STOX1: variants seen among roughly 807,000 people sequenced by gnomAD.
STOX1 encodes storkhead-box protein 1.
In STOX1, 57 loss-of-function variants were observed where a neutral mutation model predicts 74.8. The ratio of observed to expected loss-of-function variants is 0.76; its 90% CI spans 0.62 to 0.95. STOX1 has a LOEUF of 0.95. STOX1 is among the 40% of genes least tolerant of loss of function. The pLI is 0.00. For synonymous variants in STOX1, 375 were observed against 401.3 expected, an observed-to-expected ratio of 0.93 and a Z score of 0.78; for missense variants, 1,010 against 1,117.0, an observed-to-expected ratio of 0.90 and a Z score of 1.37.
rs150080000 is a variant in STOX1 at position 68,891,132 on chromosome 10, C to A, written c.2823-1457C>A. On this transcript the variant is annotated intron_variant, in intron 3 of 3. Transcript: ENST00000298596. ...TGCAAAATTTTGAGAAATTTAATTTCTTAAGGATTGCTTATTTTTAAGCAA... is the reference window on the plus strand; with the variant it reads ...TGCAAAATTTTGAGAAATTTAATTTATTAAGGATTGCTTATTTTTAAGCAA... 1.3e-3 allele frequency among the ~76,000 whole-genome samples: 201 copies of A among 152,206 alleles called. 2 individuals are homozygous for A. The highest frequency in any genetic ancestry group is 4.6e-3 in the African/African-American group (192 of 41,540).
rs371713085 is a variant in STOX1 at position 68,886,244 on chromosome 10, C to T, written c.2448C>T (p.Asn816=). 6.2e-7 allele frequency: 1 copy of T among 1,614,210 alleles called. No individual in the cohort carries two copies. Among genetic ancestry groups the T allele is most frequent in the Admixed American group, 1.7e-5 (1 of 60,032 alleles). The stretch of plus-strand genomic sequence containing the variant: ...CCCCAGGTGAAAGCCAAGAACCTAA[C>T]CTCTCTGCTGAAAGTTGTGGCCTAA... ...HATPGESQEP[N]LSAESCGLNS... Residue 816 remains asparagine (N), a synonymous_variant, in exon 3 of 4, where the codon AAC becomes AAT. Coordinates refer to ENST00000298596, the MANE Select transcript of STOX1 (RefSeq NM_152709.5).
At chr10:68,857,505 T>A (rs1840156561) in intron 1 of STOX1, among the ~76,000 whole-genome samples, 1 of 152,102 alleles carries the variant, frequency 6.6e-6, no homozygotes, top group African/African-American at 2.4e-5. Flanking sequence ...TCATTTTCCC[T>A]TCAGATGTAA....
chr10:68,879,926 G>T (rs1840769405), intron 1 of STOX1, among the ~76,000 whole-genome samples: 1 of 152,084 alleles, frequency 6.6e-6, no homozygotes, highest in Non-Finnish European at 1.5e-5. Context: ...AACTTTCCTG[G>T]CTATAGGCTT....
Position 68,884,436 on chromosome 10 carries a change from A to G in STOX1, c.640A>G (p.Met214Val). 6.2e-7 allele frequency: 1 copy of G among 1,614,028 alleles called. No homozygotes were observed. Among genetic ancestry groups the G allele is most frequent in the South Asian group, 1.1e-5 (1 of 91,088 alleles). Residue 214 changes from methionine to valine, a missense_variant, in exon 3 of 4, where the codon ATG (methionine) becomes GTG (valine). Met to Val is a conservative substitution (Grantham distance 21). Transcript: ENST00000298596. Reference sequence around the variant, plus strand: ...GCTGCCATCAGATGAAAGTCGCCTGATGCCAGCTTCCATGACATATCTGGT... The same window carrying G: ...GCTGCCATCAGATGAAAGTCGCCTGGTGCCAGCTTCCATGACATATCTGGT... The part of the protein sequence containing the change: ...RMLPSDESRL[M>V]PASMTYLVSM...
At chr10:68,837,512 ATTATAT>A (rs1027813145) in intron 1 of STOX1, among the ~76,000 whole-genome samples, 1 of 152,198 alleles carries the variant, frequency 6.6e-6, no homozygotes, top group African/African-American at 2.4e-5. Flanking sequence ...CATGTATGTG[ATTATAT>A]TTATAATCCT....
intron 1 of STOX1, among the ~76,000 whole-genome samples, chr10:68,838,192 C>G (rs1239612837): frequency 6.6e-6 from 1 of 151,756 alleles, no homozygotes; most frequent in Non-Finnish European, 1.5e-5. Context: ...TCAGCCTCTC[C>G]AGTAGCTGGG....
At chr10:68,853,039 C>G (rs533833102) in intron 1 of STOX1, among the ~76,000 whole-genome samples, 25 of 152,054 alleles carry the variant, frequency 1.6e-4, no homozygotes, top group Admixed American at 1.2e-3. Flanking sequence ...TCTCCTGCCT[C>G]AGCCTCCCGA....
intron 1 of STOX1, among the ~76,000 whole-genome samples, chr10:68,833,593 G>A (rs983888999): frequency 6.6e-6 from 1 of 152,074 alleles, no homozygotes; most frequent in Non-Finnish European, 1.5e-5. Context: ...TGGTCAGAGT[G>A]AAACAGAACA....
chr10:68,830,097 G>A (rs1839366975), intron 1 of STOX1, among the ~76,000 whole-genome samples: 1 of 152,078 alleles, frequency 6.6e-6, no homozygotes, highest in Non-Finnish European at 1.5e-5. Flanking sequence ...AGTGAGCAGT[G>A]GTAAATGCTG....
Position 68,827,556 on chromosome 10 carries a change from CGAG to C in STOX1, c.-67_-65del. On this transcript the variant is annotated 5_prime_UTR_variant, in exon 1 of 4. Transcript: ENST00000298596. ...GCAGTCGGCCGATCCTCCCGCCGAG[CGAG>C]CGGCGTCGTAGCCGCCGCGCTCGCC... 9.8e-7 allele frequency: 1 copy of C among 1,023,304 alleles called. No homozygotes were observed. The highest frequency in any genetic ancestry group is 1.2e-6 in the Non-Finnish European group (1 of 836,072). The allele number at this position is 1,023,304 out of a possible 1,614,324, so 63.4% of individuals were successfully genotyped here. A position where few individuals can be genotyped will look rare whatever the true frequency, so the allele number is the denominator to read the frequency against.
chr10:68,869,218 A>C (rs1840478726), intron 1 of STOX1, among the ~76,000 whole-genome samples: 1 of 152,230 alleles, frequency 6.6e-6, no homozygotes, highest in African/African-American at 2.4e-5. Context: ...GTCTTAACCA[A>C]CTGCTGCTCT....
At chr10:68,868,437 A>G (rs1303836974) in intron 1 of STOX1, among the ~76,000 whole-genome samples, 2 of 152,232 alleles carry the variant, frequency 1.3e-5, no homozygotes, top group Non-Finnish European at 2.9e-5. Flanking sequence ...GAACACCTTG[A>G]GCGGTTTTCC....
intron 1 of STOX1, among the ~76,000 whole-genome samples, chr10:68,869,798 C>T (rs1840493641): frequency 6.6e-6 from 1 of 152,178 alleles, no homozygotes; most frequent in African/African-American, 2.4e-5. Flanking sequence ...TGGCTCCAAG[C>T]AGCATTTCTC....
In STOX1 at chr10:68,852,885, C is replaced by T. The variant is rs142629202; in HGVS notation, c.310+24952C>T. 7.6e-3 allele frequency among the ~76,000 whole-genome samples: 1,158 copies of T among 151,842 alleles called. 37 individuals carry two copies. The highest frequency in any genetic ancestry group is 0.06 in the Admixed American group (913 of 15,246). On this transcript the variant is annotated intron_variant, in intron 1 of 3. Transcript: ENST00000298596. ...TAGGGAAGCCTTACTTGGCAGTTGT[C>T]TGAGTATATTTCTTACTACCTGTGT... is the stretch of plus-strand genomic sequence containing the variant.
At chr10:68,862,727 C>T (rs1218962043) in intron 1 of STOX1, among the ~76,000 whole-genome samples, 3 of 152,060 alleles carry the variant, frequency 2.0e-5, no homozygotes, top group African/African-American at 7.3e-5. Context: ...CATAGTGTGG[C>T]CATGGCACAC....
At position 68,844,666 on chromosome 10, in the gene STOX1, T is replaced by A. The variant is rs1163169; in HGVS notation, c.310+16733T>A. The stretch of plus-strand genomic sequence containing the variant: ...GAAAAAAGTTTTTTTCCTTATTAAA[T>A]TGTAGGATTTCTTCATATATTTTAG... On this transcript the variant is annotated intron_variant, in intron 1 of 3. Transcript: ENST00000298596. 4.5e-3 allele frequency among the ~76,000 whole-genome samples: 682 copies of A among 152,344 alleles called. 3 individuals are homozygous for A. The highest frequency in any genetic ancestry group is 0.014 in the Middle Eastern group (4 of 294).
At chr10:68,887,574 G>A (rs371902995) in intron 3 of STOX1, among the ~76,000 whole-genome samples, 2 of 147,754 alleles carry the variant, frequency 1.4e-5, no homozygotes, top group South Asian at 2.2e-4. Context: ...GAGCCACTGC[G>A]CCCAGCCTAA....
At chr10:68,836,403 G>A (rs144667139) in intron 1 of STOX1, among the ~76,000 whole-genome samples, 5 of 152,310 alleles carry the variant, frequency 3.3e-5, no homozygotes, top group African/African-American at 1.2e-4. Flanking sequence ...AAGAGAATGG[G>A]TCTGGATTCT....
rs140839677 is a variant in STOX1, at chr10:68,861,138, A to G, written c.311-20820A>G. 2.8e-3 allele frequency among the ~76,000 whole-genome samples: 423 copies of G among 152,216 alleles called. 6 individuals carry two copies. Among genetic ancestry groups the G allele is most frequent in the African/African-American group, 9.5e-3 (394 of 41,456 alleles). On this transcript the variant is annotated intron_variant, in intron 1 of 3. Transcript: ENST00000298596. ...GGAGACCCCAACCCAGCAGTGCTAG[A>G]GGAATAAAGACACAGACACAGAAGT...
Sources: gnomAD v4.1 joint callset for allele counts (sites outside exome capture counted in the v4.1 genomes callset) on GRCh38, gnomAD v4.1.1 for gene constraint, MANE v1.5 for transcripts, NCBI Gene and HGNC (gene_info 2026-07-23, HGNC 2026-07-21) for gene names.